The following RBFOX1 variants were observed in gnomAD, a reference collection of about 807,000 sequenced individuals.
RBFOX1 encodes the protein RNA binding fox-1 homolog 1.
In RBFOX1, 8 loss-of-function variants were observed where a neutral mutation model predicts 57.7. The ratio of observed to expected loss-of-function variants is 0.14; its 90% CI spans 0.08 to 0.25. The LOEUF (loss-of-function observed/expected upper bound fraction) is 0.25, where lower values mean the gene tolerates loss of function less well. RBFOX1 is among the 10% of genes least tolerant of loss of function. RBFOX1 has a pLI of 1.00. For missense variants in RBFOX1, 611 were observed against 548.5 expected (o/e 1.11, Z -1.14); for synonymous variants, 326 against 222.4 (o/e 1.47, Z -4.15).
intron 4 of RBFOX1, among the ~76,000 whole-genome samples, chr16:7,079,246 T>A (rs1034029978): frequency 6.6e-6 from 1 of 152,164 alleles, no homozygotes; most frequent in African/African-American, 2.4e-5. Context: ...TTTTACTTGC[T>A]CATCATACAT....
rs555963328 is a variant in RBFOX1, at chr16:7,439,121, A to C, written c.28-79026A>C. 7.9e-5 allele frequency among the ~76,000 whole-genome samples: 12 copies of C among 152,294 alleles called. No individual in the cohort carries two copies. The South Asian group carries it at 2.5e-3, about 32-fold the overall frequency. On this transcript the variant is annotated intron_variant, in intron 4 of 15. Transcript: ENST00000550418. ...AGGAGCATGGTCCTCGCGCTGGCAAATGGATGCCCTTGTCCTTCTGCTTAA... is the reference window on the plus strand; with the variant it reads ...AGGAGCATGGTCCTCGCGCTGGCAACTGGATGCCCTTGTCCTTCTGCTTAA...
intron 4 of RBFOX1, among the ~76,000 whole-genome samples, chr16:7,091,232 TAA>T (rs2060800689): frequency 6.6e-6 from 1 of 152,112 alleles, no homozygotes; most frequent in Non-Finnish European, 1.5e-5. Flanking sequence ...GTTTTTACTT[TAA>T]GTTAAAATAC....
chr16:6,759,720 C>A (rs1324923352), intron 3 of RBFOX1, among the ~76,000 whole-genome samples: 1 of 152,060 alleles, frequency 6.6e-6, no homozygotes, highest in East Asian at 1.9e-4. Flanking sequence ...AATAACAGTG[C>A]ATTAGCTTTC....
intron 3 of RBFOX1, among the ~76,000 whole-genome samples, chr16:5,774,524 C>T (rs1328783163): frequency 2.6e-5 from 4 of 152,202 alleles, no homozygotes; most frequent in Non-Finnish European, 5.9e-5. Context: ...GGTTATGCAG[C>T]TTCCTTCCAC....
chr16:7,183,598 C>G (rs926759607), intron 4 of RBFOX1, among the ~76,000 whole-genome samples: 1 of 152,056 alleles, frequency 6.6e-6, no homozygotes, highest in South Asian at 2.1e-4. Flanking sequence ...TTTTTCCAGG[C>G]TTTCAGAAGC....
chr16:5,798,919 C>T (rs1054201619), intron 3 of RBFOX1, among the ~76,000 whole-genome samples: 1 of 152,054 alleles, frequency 6.6e-6, no homozygotes, highest in Non-Finnish European at 1.5e-5. Context: ...CCCAATTCAG[C>T]TCCAGTTCTG....
intron 4 of RBFOX1, among the ~76,000 whole-genome samples, chr16:7,094,779 T>TGTGTGTGG (rs1555466484): frequency 7.4e-6 from 1 of 135,052 alleles, no homozygotes; most frequent in Non-Finnish European, 1.7e-5. Flanking sequence ...TGTGTGTGGG[T>TGTGTGTGG]GTGTGTGTGT....
chr16:7,237,677 G>A (rs1338896828), intron 4 of RBFOX1, among the ~76,000 whole-genome samples: 2 of 152,186 alleles, frequency 1.3e-5, no homozygotes, highest in Non-Finnish European at 2.9e-5. Flanking sequence ...ACAAAACGTG[G>A]TGTATACTGG....
chr16:7,526,017 G>C (rs1323456131), intron 5 of RBFOX1, among the ~76,000 whole-genome samples: 1 of 151,990 alleles, frequency 6.6e-6, no homozygotes, highest in African/African-American at 2.4e-5. Context: ...CACAGCAAAA[G>C]GTGAGTGGTG....
At chr16:5,454,775 T>TTCTTTCTTTCTTTC (rs1281528051) in intron 1 of RBFOX1, among the ~76,000 whole-genome samples, 2 of 34,560 alleles carry the variant, frequency 5.8e-5, no homozygotes, top group East Asian at 7.6e-4. Flanking sequence ...TTCTCTTTCT[T>TTCTTTCTTTCTTTC]TCTTTCTTTC....
chr16:5,751,053 G>C (rs2053180561), intron 3 of RBFOX1, among the ~76,000 whole-genome samples: 1 of 152,116 alleles, frequency 6.6e-6, no homozygotes, highest in South Asian at 2.1e-4. Flanking sequence ...ATGTTGACTG[G>C]GCTGGTCTCA....
intron 1 of RBFOX1, among the ~76,000 whole-genome samples, chr16:5,333,102 C>A (rs760357899): frequency 6.6e-6 from 1 of 151,752 alleles, no homozygotes; most frequent in Admixed American, 6.6e-5. Flanking sequence ...ACAGGAGAAT[C>A]GCTTGAACCC....
intron 3 of RBFOX1, among the ~76,000 whole-genome samples, chr16:6,681,327 CA>C (rs903539859): frequency 1.3e-5 from 2 of 151,138 alleles, no homozygotes; most frequent in African/African-American, 2.4e-5. Flanking sequence ...GGAAAAAAAA[CA>C]AAAAAATATA....
chr16:7,710,984 T>G lies in RBFOX1; in HGVS notation c.*239T>G. 2.3e-6 allele frequency: 1 copy of G among 441,034 alleles called. No homozygotes were observed. Among genetic ancestry groups the G allele is most frequent in the Non-Finnish European group, 3.7e-6 (1 of 267,194 alleles). The allele number at this position is 441,034 out of a possible 1,614,324, so 27.3% of individuals were successfully genotyped here. A position where few individuals can be genotyped will look rare whatever the true frequency, so the allele number is the denominator to read the frequency against. ...GTAGTTTGGTTGCTGGCTGTAGGAGTTTTTGTGGTTGATCTAGACAGATGC... is the reference window on the plus strand; with the variant it reads ...GTAGTTTGGTTGCTGGCTGTAGGAGGTTTTGTGGTTGATCTAGACAGATGC... On this transcript the variant is annotated 3_prime_UTR_variant, in exon 16 of 16. Coordinates refer to ENST00000550418, the MANE Select transcript of RBFOX1 (RefSeq NM_018723.4).
chr16:5,553,586 A>T (rs1306566240), intron 2 of RBFOX1, among the ~76,000 whole-genome samples: 2 of 152,084 alleles, frequency 1.3e-5, no homozygotes, highest in African/African-American at 4.8e-5. Context: ...AAGTGCTGGG[A>T]TTATGGGCGT....
At chr16:6,722,801 C>T (rs2066288794) in intron 3 of RBFOX1, among the ~76,000 whole-genome samples, 1 of 152,148 alleles carries the variant, frequency 6.6e-6, no homozygotes, top group Non-Finnish European at 1.5e-5. Context: ...TTATTTATCT[C>T]AGCGGCCAGA....
intron 3 of RBFOX1, among the ~76,000 whole-genome samples, chr16:5,740,167 G>T (rs2052724321): frequency 6.6e-6 from 1 of 152,206 alleles, no homozygotes; most frequent in South Asian, 2.1e-4. Flanking sequence ...CGGGGAGGAG[G>T]CTGACTGTCA....
In RBFOX1 at chr16:7,333,175, C is replaced by A. The variant is rs944223283; in HGVS notation, c.28-184972C>A. ...ATTTTTATGGTTGAGAAAGCAAACA[C>A]TTTTAATACAGGAAAAAGCCCTCGC... On this transcript the variant is annotated intron_variant, in intron 4 of 15. Coordinates refer to ENST00000550418, the MANE Select transcript of RBFOX1 (RefSeq NM_018723.4). 5 of 1,288,314 alleles carry A rather than the reference C, an allele frequency of 3.9e-6. No individual in the cohort carries two copies. In the African/African-American group the frequency reaches 5.9e-5, roughly 15 times the overall value. The allele number at this position is 1,288,314 out of a possible 1,614,324, so 79.8% of individuals were successfully genotyped here. A position where few individuals can be genotyped will look rare whatever the true frequency, so the allele number is the denominator to read the frequency against.
intron 3 of RBFOX1, among the ~76,000 whole-genome samples, chr16:5,782,295 T>A (rs928040254): frequency 2.0e-5 from 3 of 152,202 alleles, no homozygotes; most frequent in Non-Finnish European, 4.4e-5. Context: ...GGTCCCAGTC[T>A]GCATTTCACA....
Sources: allele counts gnomAD v4.1 joint callset (sites outside exome capture counted in the v4.1 genomes callset), GRCh38; gene constraint gnomAD v4.1.1; transcripts MANE v1.5; gene names NCBI Gene and HGNC (gene_info 2026-07-23, HGNC 2026-07-21).